Variants in HOXC13 observed in about 807,000 individuals in gnomAD.
HOXC13 encodes homeobox protein Hox-C13.
Under a neutral mutation model 25.9 loss-of-function variants are expected in HOXC13, and 10 were observed. The ratio of observed to expected loss-of-function variants is 0.39; its 90% CI spans 0.24 to 0.65. HOXC13 has a LOEUF of 0.65. Among genes scored for constraint, HOXC13 ranks in the 30% least tolerant of loss-of-function variants. The pLI, the probability that HOXC13 is intolerant of heterozygous loss-of-function variation, is 0.50. For synonymous variants in HOXC13, 233 were observed against 217.1 expected (o/e 1.07, Z -0.64); for missense variants, 439 against 478.3 (o/e 0.92, Z 0.77).
At position 53,939,026 on chromosome 12, in the gene HOXC13, C is replaced by A. The variant is rs1051950682; in HGVS notation, c.120C>A (p.Gly40=). ...GCGGAGGAGGAGGCGGCGGCACGGG[C>A]GGAGCGGGGGGTGGCTGCAGCGGAG... ...GGGGGGGGGT[G]GAGGGCSGAS... Residue 40 remains glycine, a synonymous_variant, in exon 1 of 2, where the codon GGC becomes GGA. Transcript: ENST00000243056. The surrounding 1 kb of genome is among the most constrained non-coding windows in gnomAD (Gnocchi z 6.7). The A allele has an allele frequency of 1.6e-5, 23 of 1,478,746 alleles. No homozygotes were observed. The highest frequency in any genetic ancestry group is 1.7e-5 in the Non-Finnish European group (19 of 1,121,606). 91.6% of individuals were successfully genotyped at this position (1,478,746 alleles called of 1,614,324 possible).
rs146279895 is a variant in HOXC13 at position 53,946,045 on chromosome 12, C to CCT, written c.*802_*803dup. On this transcript the variant is annotated 3_prime_UTR_variant, in exon 2 of 2. Transcript: ENST00000243056. Reference sequence around the variant, plus strand: ...ACGCTGCTAAATAGGGCTCCTCTCTCCTCTCTCTCTCTCTAGGTGGTAAGG... The same window carrying CCT: ...ACGCTGCTAAATAGGGCTCCTCTCTCCTCTCTCTCTCTCTCTAGGTGGTAAGG... 2.9e-4 allele frequency: 66 copies of CCT among 229,092 alleles called. No homozygotes were observed. Among genetic ancestry groups the CCT allele is most frequent in the Middle Eastern group, 2.6e-3 (2 of 774 alleles). The allele number at this position is 229,092 out of a possible 1,614,324, so 14.2% of individuals were successfully genotyped here. A position where few individuals can be genotyped will look rare whatever the true frequency, so the allele number is the denominator to read the frequency against.
chr12:53,939,210 G>A lies in HOXC13; in HGVS notation c.304G>A (p.Ala102Thr), dbSNP rs1938566829. Reference protein sequence around the residue: ...VYTDIPAPEAARQCAPPPAPP... With the variant: ...VYTDIPAPEATRQCAPPPAPP... ...TACGGACATCCCGGCCCCGGAGGCGGCGCGCCAGTGTGCCCCGCCGCCCGC... is the reference window on the plus strand; with the variant it reads ...TACGGACATCCCGGCCCCGGAGGCGACGCGCCAGTGTGCCCCGCCGCCCGC... The change falls in exon 1 of 2, where the codon GCG (alanine) becomes ACG (threonine). Residue 102 changes from alanine (A) to threonine (T), a missense_variant. Physicochemically the swap from Ala to Thr is moderately conservative, Grantham distance 58 (BLOSUM62 0). Coordinates refer to ENST00000243056, the MANE Select transcript of HOXC13 (RefSeq NM_017410.3). This position sits in a 1 kb window ranked among gnomAD's most constrained non-coding sequence, Gnocchi z 6.7. 2 of 1,531,128 alleles carry A rather than the reference G, an allele frequency of 1.3e-6. No individual in the cohort carries two copies. Among genetic ancestry groups the A allele is most frequent in the East Asian group, 2.5e-5 (1 of 40,188 alleles). 94.8% of individuals were successfully genotyped at this position (1,531,128 alleles called of 1,614,324 possible).
chr12:53,944,862 T>G, intron 1 of HOXC13, 138 bp from the exon 2 acceptor site: 1 of 1,062,794 alleles, frequency 9.4e-7, no homozygotes, highest in South Asian at 1.5e-5. Context: ...TGAAAAGCAT[T>G]AGGGAGCTTC....
chr12:53,944,850 A>G, intron 1 of HOXC13, 150 bp from the exon 2 acceptor site: 1 of 1,006,910 alleles, frequency 9.9e-7, no homozygotes, highest in Non-Finnish European at 1.5e-6. Context: ...AAATAACAGA[A>G]ATGAAAAGCA....
Position 53,945,116 on chromosome 12 carries a change from A to G in HOXC13, c.853A>G (p.Ile285Val). Residue 285 changes from isoleucine (I) to valine (V), a missense_variant, in exon 2 of 2, where the codon ATC becomes GTC. Physicochemically the swap from Ile to Val is conservative, Grantham distance 29. Transcript: ENST00000243056. The surrounding 1 kb of genome is among the most constrained non-coding windows in gnomAD (Gnocchi z 4.4). ...GAAGGAATACGCGGCTAGCAAGTTC[A>G]TCACCAAAGAGAAGCGCCGGCGCAT... Reference protein sequence around the residue: ...LEKEYAASKFITKEKRRRISA... With the variant: ...LEKEYAASKFVTKEKRRRISA... The G allele has an allele frequency of 6.2e-7, 1 of 1,614,206 alleles. No homozygotes were observed. Among genetic ancestry groups the G allele is most frequent in the Non-Finnish European group, 8.5e-7 (1 of 1,180,036 alleles).
In HOXC13 at chr12:53,938,852, C is replaced by T. The variant is rs1938558566; in HGVS notation, c.-55C>T. 8.9e-6 allele frequency: 13 copies of T among 1,462,480 alleles called. No individual in the cohort carries two copies. The South Asian group carries it at 1.1e-4, about 12-fold the overall frequency. The allele number at this position is 1,462,480 out of a possible 1,614,324, so 90.6% of individuals were successfully genotyped here. ...GGGGAAACAGGAGCGAGGTGTCTCC[C>T]TAGCTCGCTGCCTCTGGCAAGTGGA... is the stretch of plus-strand genomic sequence containing the variant. On this transcript the variant is annotated 5_prime_UTR_variant, in exon 1 of 2. Coordinates refer to ENST00000243056, the MANE Select transcript of HOXC13 (RefSeq NM_017410.3).
At chr12:53,941,717 T>C (rs893356001) in intron 1 of HOXC13, among the ~76,000 whole-genome samples, 17 of 152,252 alleles carry the variant, frequency 1.1e-4, no homozygotes, top group African/African-American at 4.1e-4. Context: ...GAAATGGATA[T>C]AAAACCTAGC....
chr12:53,940,691 G>A (rs1938596590), intron 1 of HOXC13, among the ~76,000 whole-genome samples: 1 of 152,306 alleles, frequency 6.6e-6, no homozygotes, highest in African/African-American at 2.4e-5. Flanking sequence ...CCGGTCTAGG[G>A]AGTCCAGCAT....
Position 53,939,841 on chromosome 12 carries a change from C to T in HOXC13, c.736+199C>T, listed in dbSNP as rs1350177715. ...TGCTCCGACACGTTCTCTGTAGCTG[C>T]CCGGCCGAGAATGAAGCAATCACAG... On this transcript the variant is annotated intron_variant, in intron 1 of 1. Transcript: ENST00000243056. This position sits in a 1 kb window ranked among gnomAD's most constrained non-coding sequence, Gnocchi z 6.7. Among the ~76,000 whole-genome samples the T allele has an allele frequency of 6.6e-6, 1 of 152,226 alleles. No homozygotes were observed. Among genetic ancestry groups the T allele is most frequent in the Admixed American group, 6.5e-5 (1 of 15,290 alleles).
chr12:53,942,591 A>G (rs1443885236), intron 1 of HOXC13, among the ~76,000 whole-genome samples: 1 of 152,168 alleles, frequency 6.6e-6, no homozygotes, highest in Non-Finnish European at 1.5e-5. Flanking sequence ...GGAAGGGGTG[A>G]TTGTAAGATT....
At position 53,946,246 on chromosome 12, in the gene HOXC13, A is replaced by G. The variant is rs1938691725; in HGVS notation, c.*990A>G. 4.4e-6 allele frequency: 1 copy of G among 227,940 alleles called. No homozygotes were observed. Among genetic ancestry groups the G allele is most frequent in the Non-Finnish European group, 8.7e-6 (1 of 114,524 alleles). The allele number at this position is 227,940 out of a possible 1,614,324, so 14.1% of individuals were successfully genotyped here. On this transcript the variant is annotated 3_prime_UTR_variant, in exon 2 of 2. Coordinates refer to ENST00000243056, the MANE Select transcript of HOXC13 (RefSeq NM_017410.3). ...CTTTACTGATTTCCAGAGGAAAGCT[A>G]GAGGATCTAGTTCAAGAGGCAAGAA...
chr12:53,945,288 T>C lies in HOXC13; in HGVS notation c.*32T>C. ...ACCCGCTGCTTGCCCCATCTATTTA[T>C]GTCTCCGCTTTGTACCATAACCGAA... is the stretch of plus-strand genomic sequence containing the variant. On this transcript the variant is annotated 3_prime_UTR_variant, in exon 2 of 2. Coordinates refer to ENST00000243056, the MANE Select transcript of HOXC13 (RefSeq NM_017410.3). The surrounding 1 kb of genome is among the most constrained non-coding windows in gnomAD (Gnocchi z 4.4). The C allele has an allele frequency of 1.9e-6, 3 of 1,611,954 alleles. No individual in the cohort carries two copies. Among genetic ancestry groups the C allele is most frequent in the African/African-American group, 1.3e-5 (1 of 74,910 alleles).
Position 53,945,609 on chromosome 12 carries a change from G to A in HOXC13, c.*353G>A. 1 of 366,866 alleles carries A rather than the reference G, an allele frequency of 2.7e-6. No homozygotes were observed. The highest frequency in any genetic ancestry group is 5.0e-6 in the Non-Finnish European group (1 of 199,196). The allele number at this position is 366,866 out of a possible 1,614,324, so 22.7% of individuals were successfully genotyped here. A position where few individuals can be genotyped will look rare whatever the true frequency, so the allele number is the denominator to read the frequency against. Reference sequence around the variant, plus strand: ...AGCCCAATCATTCCAACCAAAGCAGGGTTGGGGAATCCCGAATGGCCCCAA... The same window carrying A: ...AGCCCAATCATTCCAACCAAAGCAGAGTTGGGGAATCCCGAATGGCCCCAA... On this transcript the variant is annotated 3_prime_UTR_variant, in exon 2 of 2. Transcript: ENST00000243056. The surrounding 1 kb of genome is among the most constrained non-coding windows in gnomAD (Gnocchi z 4.4).
chr12:53,940,365 A>G (rs1429388914), intron 1 of HOXC13, among the ~76,000 whole-genome samples: 1 of 152,048 alleles, frequency 6.6e-6, no homozygotes, highest in African/African-American at 2.4e-5. Context: ...ACTCCCCCAT[A>G]TGTGGTCGAG....
chr12:53,942,780 A>C (rs1233569679), intron 1 of HOXC13, among the ~76,000 whole-genome samples: 1 of 152,214 alleles, frequency 6.6e-6, no homozygotes, highest in Non-Finnish European at 1.5e-5. Flanking sequence ...ACCAACCTGC[A>C]GTTGGTCTGA....
At chr12:53,944,621 T>G (rs1565705124) in intron 1 of HOXC13, among the ~76,000 whole-genome samples, 3 of 152,122 alleles carry the variant, frequency 2.0e-5, no homozygotes, top group Admixed American at 2.0e-4. Context: ...TAATATTGAG[T>G]GCTGTGAAGA....
chr12:53,942,322 C>T (rs1938625751), intron 1 of HOXC13, among the ~76,000 whole-genome samples: 1 of 149,134 alleles, frequency 6.7e-6, no homozygotes, highest in South Asian at 2.1e-4. Flanking sequence ...TCTTTACTGA[C>T]AAGCCTTTGG....
In HOXC13 at chr12:53,939,166, C is replaced by T. The variant is rs904926695; in HGVS notation, c.260C>T (p.Ala87Val). 1.5e-5 allele frequency: 22 copies of T among 1,485,600 alleles called. No homozygotes were observed. The Admixed American group carries it at 3.2e-4, about 21-fold the overall frequency. 92.0% of individuals were successfully genotyped at this position (1,485,600 alleles called of 1,614,324 possible). Residue 87 changes from alanine to valine, a missense_variant, in exon 1 of 2, where the codon GCC becomes GTC. Physicochemically the swap from Ala to Val is moderately conservative, Grantham distance 64 (BLOSUM62 0). Transcript: ENST00000243056. The surrounding 1 kb of genome is among the most constrained non-coding windows in gnomAD (Gnocchi z 6.7). The stretch of plus-strand genomic sequence containing the variant: ...GGCCGCCCGCCGGCTCCCCTGGGCG[C>T]CCCTCAGGGCGCCGTCTATACGGAC... ...VLGRPPAPLG[A>V]PQGAVYTDIP...
At position 53,939,753 on chromosome 12, in the gene HOXC13, G is replaced by A. The variant is rs929096037; in HGVS notation, c.736+111G>A. On this transcript the variant is annotated intron_variant, in intron 1 of 1. Transcript: ENST00000243056. The surrounding 1 kb of genome is among the most constrained non-coding windows in gnomAD (Gnocchi z 6.7). The stretch of plus-strand genomic sequence containing the variant: ...CCGTCTGGCCCCGGCGCGCCCGCTC[G>A]GCTGGGCTGCCTATGGAGCCGGCCG... 20 of 1,226,834 alleles carry A rather than the reference G, an allele frequency of 1.6e-5. No individual in the cohort carries two copies. The African/African-American group carries it at 2.8e-4, about 17-fold the overall frequency. The allele number at this position is 1,226,834 out of a possible 1,614,324, so 76.0% of individuals were successfully genotyped here.
Sources: gnomAD v4.1 joint callset for allele counts (sites outside exome capture counted in the v4.1 genomes callset) on GRCh38, gnomAD v4.1.1 for gene constraint, Gnocchi (gnomAD v3.1) non-coding constraint, MANE v1.5 for transcripts, NCBI Gene and HGNC (gene_info 2026-07-23, HGNC 2026-07-21) for gene names.